IGFL2: variants seen among roughly 807,000 people sequenced by gnomAD.
IGFL2 encodes the protein IGF like family member 2.
In IGFL2, 7 loss-of-function variants were observed where a neutral mutation model predicts 13.9. That is an observed-to-expected ratio of 0.51 (90% CI 0.29 to 0.95). The LOEUF is 0.95. Ranked by LOEUF, IGFL2 falls within the 40% of genes least tolerant of loss-of-function variation. The pLI, the probability that IGFL2 is intolerant of heterozygous loss-of-function variation, is 0.08. For synonymous variants in IGFL2, 55 were observed against 55.8 expected, an observed-to-expected ratio of 0.99 and a Z score of 0.07; for missense variants, 138 against 147.8, an observed-to-expected ratio of 0.93 and a Z score of 0.34.
chr19:46,151,206 C>T (rs1973467117), intron 1 of IGFL2, among the ~76,000 whole-genome samples: 1 of 152,112 alleles, frequency 6.6e-6, no homozygotes, highest in African/African-American at 2.4e-5. Context: ...TACATTTCTG[C>T]TAAGAGTTTT....
chr19:46,166,607 C>T, the IGFL2 span, among the ~76,000 whole-genome samples: 3 of 152,122 alleles, frequency 2.0e-5, no homozygotes, highest in Non-Finnish European at 4.4e-5. Context: ...TCCTAATAAG[C>T]CTGGGAGCGC....
At chr19:46,203,072 AAG>A in the IGFL2 span, 5 of 152,354 alleles carry the variant, frequency 3.3e-5, no homozygotes, top group African/African-American at 9.6e-5. Flanking sequence ...TGAATCTGAA[AAG>A]AGAGTCAGCA....
Position 46,148,601 on chromosome 19 carries a change from A to G in IGFL2, c.19+304A>G, listed in dbSNP as rs556016927. Among the ~76,000 whole-genome samples the G allele has an allele frequency of 8.3e-4, 127 of 152,282 alleles. 2 individuals carry two copies. In the Middle Eastern group the frequency reaches 0.017, roughly 20 times the overall value. On this transcript the variant is annotated intron_variant, in intron 1 of 3. Coordinates refer to ENST00000377693, the MANE Select transcript of IGFL2 (RefSeq NM_001135113.2). The stretch of plus-strand genomic sequence containing the variant: ...GCAACCAAAGAAACTCAGAGACATC[A>G]TCTTGTGCCCCATGATCATGATCTG...
the IGFL2 span, among the ~76,000 whole-genome samples, chr19:46,094,889 A>G: frequency 1.3e-5 from 2 of 152,110 alleles, no homozygotes; most frequent in East Asian, 1.9e-4. Context: ...ATAGTATTCC[A>G]TGGTGTATAT....
At chr19:46,165,881 A>C (rs1474173316), downstream of IGFL2, among the ~76,000 whole-genome samples, 2 of 152,216 alleles carry the variant, frequency 1.3e-5, no homozygotes, top group Non-Finnish European at 2.9e-5. Flanking sequence ...GGGACTTACC[A>C]TGTGGCTACT....
the IGFL2 span, among the ~76,000 whole-genome samples, chr19:46,205,623 GTTC>G: frequency 6.8e-6 from 1 of 146,592 alleles, no homozygotes; most frequent in African/African-American, 2.6e-5. Flanking sequence ...AGAGAGAGCT[GTTC>G]TTCTTTCTCT....
At chr19:46,170,162 C>T in the IGFL2 span, among the ~76,000 whole-genome samples, 7 of 151,584 alleles carry the variant, frequency 4.6e-5, no homozygotes, top group South Asian at 4.2e-4. Flanking sequence ...GTGGGTGCAC[C>T]GAGAGAGAGT....
At chr19:46,149,774 A>T (rs1973372567) in intron 1 of IGFL2, among the ~76,000 whole-genome samples, 1 of 152,126 alleles carries the variant, frequency 6.6e-6, no homozygotes, top group Non-Finnish European at 1.5e-5. Context: ...TTATCCATTC[A>T]TCTGTTGATG....
chr19:46,130,512 A>T, the IGFL2 span, among the ~76,000 whole-genome samples: 1 of 152,168 alleles, frequency 6.6e-6, no homozygotes, highest in Non-Finnish European at 1.5e-5. Context: ...CATGCTGTTT[A>T]TTGAGGTTCT....
chr19:46,132,908 T>C, the IGFL2 span, among the ~76,000 whole-genome samples: 1,756 of 152,032 alleles, frequency 0.012, 23 homozygotes, highest in African/African-American at 0.037. Context: ...CTCACAGATA[T>C]CTGTTCACGT....
chr19:46,122,221 T>A, the IGFL2 span, among the ~76,000 whole-genome samples: 1 of 151,070 alleles, frequency 6.6e-6, no homozygotes, highest in Non-Finnish European at 1.5e-5. Context: ...CTGTGCCATG[T>A]TGGTAGATCA....
the IGFL2 span, chr19:46,209,866 G>C: frequency 6.6e-6 from 1 of 152,122 alleles, no homozygotes; most frequent in Non-Finnish European, 1.5e-5. Context: ...AATGACTGTG[G>C]ATTTTTTTGC....
At chr19:46,108,288 G>A in the IGFL2 span, among the ~76,000 whole-genome samples, 9 of 152,100 alleles carry the variant, frequency 5.9e-5, no homozygotes, top group African/African-American at 1.4e-4. Flanking sequence ...GGGAGGAACC[G>A]AGGTGTAAAA....
At chr19:46,186,195 G>A in the IGFL2 span, among the ~76,000 whole-genome samples, 1 of 152,182 alleles carries the variant, frequency 6.6e-6, no homozygotes, top group African/African-American at 2.4e-5. Context: ...GCAGCCCTGG[G>A]TGAAGAAACT....
the IGFL2 span, among the ~76,000 whole-genome samples, chr19:46,101,539 C>A: frequency 9.9e-4 from 151 of 152,366 alleles, 1 homozygote; most frequent in Non-Finnish European, 4.4e-4. Context: ...TGGGGAATAC[C>A]TTCTGGGTCC....
the IGFL2 span, among the ~76,000 whole-genome samples, chr19:46,097,641 A>AT: frequency 1.6e-4 from 24 of 152,240 alleles, no homozygotes; most frequent in African/African-American, 5.5e-4. Flanking sequence ...TGATGTAGGG[A>AT]TTTAGTGCTA....
At chr19:46,142,610 G>T (rs1247443686), upstream of IGFL2, among the ~76,000 whole-genome samples, 2 of 152,196 alleles carry the variant, frequency 1.3e-5, no homozygotes, top group African/African-American at 4.8e-5. Flanking sequence ...ATATGAAAGA[G>T]ACTATTTAAA....
At chr19:46,124,254 T>C in the IGFL2 span, 1 of 1,610,284 alleles carries the variant, frequency 6.2e-7, no homozygotes, top group Non-Finnish European at 8.5e-7. Context: ...CATTTTTCCC[T>C]GTCCTGTCCT....
At chr19:46,129,307 T>TTTTGTG in the IGFL2 span, among the ~76,000 whole-genome samples, 90 of 137,064 alleles carry the variant, frequency 6.6e-4, no homozygotes, top group African/African-American at 2.3e-3. Context: ...TGTTGATCTT[T>TTTTGTG]TGTGTGTGTG....
Sources: gnomAD v4.1 joint callset for allele counts (sites outside exome capture counted in the v4.1 genomes callset) on GRCh38, gnomAD v4.1.1 for gene constraint, MANE v1.5 for transcripts, NCBI Gene and HGNC (gene_info 2026-07-23, HGNC 2026-07-21) for gene names.